Variants in PEX5L observed in about 807,000 individuals in gnomAD.
PEX5L encodes the protein PEX5-related protein.
A neutral mutation model predicts 84.0 loss-of-function variants in PEX5L; 30 were observed. The observed-to-expected ratio is 0.36, with a 90% CI of 0.27 to 0.48. The LOEUF (loss-of-function observed/expected upper bound fraction) is 0.48, where lower values mean the gene tolerates loss of function less well. Ranked by LOEUF, PEX5L falls within the 20% of genes least tolerant of loss-of-function variation. PEX5L has a pLI of 0.99. For missense variants in PEX5L, 533 were observed against 754.6 expected, an observed-to-expected ratio of 0.71 and a Z score of 3.44; for synonymous variants, 270 against 283.1, an observed-to-expected ratio of 0.95 and a Z score of 0.46.
intron 2 of PEX5L, among the ~76,000 whole-genome samples, chr3:179,944,470 C>T: frequency 6.6e-6 from 1 of 152,280 alleles, no homozygotes; most frequent in East Asian, 1.9e-4. Context: ...GGCTATCTCA[C>T]AAGACTGTTA....
At chr3:179,986,464 G>A (rs1482546394) in intron 1 of PEX5L, among the ~76,000 whole-genome samples, 3 of 143,638 alleles carry the variant, frequency 2.1e-5, no homozygotes, top group African/African-American at 5.2e-5. Flanking sequence ...GTGCAGTGGC[G>A]CGATCTCGGC....
chr3:179,808,942 C>T (rs554445507), intron 12 of PEX5L, among the ~76,000 whole-genome samples: 7 of 151,754 alleles, frequency 4.6e-5, no homozygotes, highest in Middle Eastern at 3.4e-3. Flanking sequence ...GGCGTGTTGG[C>T]GGGCCCTTGT....
intron 6 of PEX5L, among the ~76,000 whole-genome samples, chr3:179,874,990 C>G (rs1220475366): frequency 3.3e-5 from 5 of 150,866 alleles, no homozygotes; most frequent in Admixed American, 6.6e-5. Context: ...GATGATGGAG[C>G]AAACCAAAAA....
chr3:179,993,017 A>G (rs959683592), intron 1 of PEX5L, among the ~76,000 whole-genome samples: 22 of 152,046 alleles, frequency 1.4e-4, no homozygotes, highest in Non-Finnish European at 2.8e-4. Flanking sequence ...CTGGGTGTGG[A>G]TAACACTTAA....
At chr3:179,915,353 A>G (rs970020346) in intron 2 of PEX5L, among the ~76,000 whole-genome samples, 1 of 152,174 alleles carries the variant, frequency 6.6e-6, no homozygotes, top group Admixed American at 6.6e-5. Flanking sequence ...TCTGGATCTG[A>G]AGATGTGGGG....
At chr3:179,914,675 C>T (rs145002109) in intron 2 of PEX5L, among the ~76,000 whole-genome samples, 20 of 152,302 alleles carry the variant, frequency 1.3e-4, no homozygotes, top group African/African-American at 4.8e-4. Flanking sequence ...ATGATAAAAC[C>T]ATCTCCTTCC....
intron 2 of PEX5L, among the ~76,000 whole-genome samples, chr3:179,958,527 G>A (rs1781182599): frequency 6.6e-6 from 1 of 152,194 alleles, no homozygotes; most frequent in African/African-American, 2.4e-5. Flanking sequence ...AGTGTGTCTT[G>A]TTATCATTAG....
At chr3:180,001,105 T>A (rs1047569922) in intron 1 of PEX5L, among the ~76,000 whole-genome samples, 1 of 152,036 alleles carries the variant, frequency 6.6e-6, no homozygotes, top group Non-Finnish European at 1.5e-5. Flanking sequence ...TTGGCTAGAA[T>A]ACAAAGCAGG....
intron 2 of PEX5L, among the ~76,000 whole-genome samples, chr3:179,927,779 TG>T (rs1771880919): frequency 6.6e-6 from 1 of 152,234 alleles, no homozygotes; most frequent in African/African-American, 2.4e-5. Flanking sequence ...TTAAAGATTT[TG>T]GTTTTCATCT....
chr3:179,940,657 A>T (rs923375608), intron 2 of PEX5L, among the ~76,000 whole-genome samples: 1 of 152,218 alleles, frequency 6.6e-6, no homozygotes, highest in Non-Finnish European at 1.5e-5. Flanking sequence ...CTAAAGGAAC[A>T]GCAACCCATG....
At chr3:179,871,001 T>C (rs1422678979) in intron 7 of PEX5L, among the ~76,000 whole-genome samples, 1 of 152,126 alleles carries the variant, frequency 6.6e-6, no homozygotes, top group African/African-American at 2.4e-5. Context: ...ATTTTGTAAA[T>C]GGGTCTTCAC....
intron 1 of PEX5L, among the ~76,000 whole-genome samples, chr3:180,027,758 A>G (rs1267265507): frequency 6.6e-6 from 1 of 152,184 alleles, no homozygotes; most frequent in East Asian, 1.9e-4. Flanking sequence ...CTAGGATTAT[A>G]TATTGCATTT....
chr3:179,920,219 T>C (rs1359532458), intron 2 of PEX5L, among the ~76,000 whole-genome samples: 1 of 152,224 alleles, frequency 6.6e-6, no homozygotes, highest in Admixed American at 6.5e-5. Context: ...TGTCTGTCTG[T>C]CATCTCTCTT....
At position 179,798,408 on chromosome 3, in the gene PEX5L, T is replaced by C. The variant is rs1189605051; in HGVS notation, c.*3420A>G. 6.6e-6 allele frequency: 1 copy of C among 152,108 alleles called. No homozygotes were observed. The highest frequency in any genetic ancestry group is 1.5e-5 in the Non-Finnish European group (1 of 68,018). 9.4% of individuals were successfully genotyped at this position (152,108 alleles called of 1,614,324 possible). On this transcript the variant is annotated 3_prime_UTR_variant, in exon 15 of 15. Transcript: ENST00000467460. Reference sequence around the variant, plus strand: ...AGTATGATTGGCCCAGTGAGAGGGATTTTTATTCCTCCTCCTCTCCCCTAT... The same window carrying C: ...AGTATGATTGGCCCAGTGAGAGGGACTTTTATTCCTCCTCCTCTCCCCTAT...
intron 2 of PEX5L, among the ~76,000 whole-genome samples, chr3:179,939,413 T>A (rs976658466): frequency 1.3e-5 from 2 of 152,166 alleles, no homozygotes; most frequent in Non-Finnish European, 2.9e-5. Flanking sequence ...GGCTCTGTAA[T>A]TTGTATTGAT....
chr3:179,949,227 ATAAG>A lies in PEX5L; in HGVS notation c.93+22363_93+22366del, dbSNP rs572160566. 2.0e-4 allele frequency among the ~76,000 whole-genome samples: 30 copies of A among 152,322 alleles called. No individual in the cohort carries two copies. In the South Asian group the frequency reaches 5.8e-3, roughly 29 times the overall value. On this transcript the variant is annotated intron_variant, in intron 2 of 14. Coordinates refer to ENST00000467460, the MANE Select transcript of PEX5L (RefSeq NM_016559.3). ...TGAAGAGTAGATTTTTAAAAAAAAA[ATAAG>A]TAGTTTTAAAAACCACTTATTATTC... is the stretch of plus-strand genomic sequence containing the variant.
chr3:179,955,478 CT>C (rs397967053), intron 2 of PEX5L, among the ~76,000 whole-genome samples: 50 of 53,728 alleles, frequency 9.3e-4, no homozygotes, highest in African/African-American at 2.4e-3. Context: ...CTGCTATGCT[CT>C]TTTTTTTTTT....
Position 179,809,497 on chromosome 3 carries a change from C to T in PEX5L, c.1326G>A (p.Arg442=). The change falls in exon 12 of 15, where the codon CGG becomes CGA. Residue 442 remains arginine (R), a synonymous_variant. Coordinates refer to ENST00000467460, the MANE Select transcript of PEX5L (RefSeq NM_016559.3). ...KSKKGSPGLT[R]RMSKSPVDSS... The stretch of plus-strand genomic sequence containing the variant: ...TATCAACTGGGGACTTAGACATCCG[C>T]CGGGTGAGGCCTGGAGATCCCTTCT... The T allele has an allele frequency of 6.2e-7, 1 of 1,614,016 alleles. No individual in the cohort carries two copies. Among genetic ancestry groups the T allele is most frequent in the African/African-American group, 1.3e-5 (1 of 75,026 alleles).
intron 2 of PEX5L, among the ~76,000 whole-genome samples, chr3:179,941,587 T>C (rs1201092918): frequency 2.0e-5 from 3 of 152,198 alleles, no homozygotes; most frequent in African/African-American, 7.2e-5. Flanking sequence ...TAGCATAGTG[T>C]GAATTTGAAC....
Sources: allele counts gnomAD v4.1 joint callset (sites outside exome capture counted in the v4.1 genomes callset), GRCh38; gene constraint gnomAD v4.1.1; transcripts MANE v1.5; gene names NCBI Gene and HGNC (gene_info 2026-07-23, HGNC 2026-07-21).